Variants in RBFOX1 observed in about 807,000 individuals in gnomAD.
RBFOX1 encodes the protein RNA binding fox-1 homolog 1.
RBFOX1 carries 8 observed loss-of-function variants against 57.7 expected under a neutral mutation model. The ratio of observed to expected loss-of-function variants is 0.14; its 90% CI spans 0.08 to 0.25. RBFOX1 has a LOEUF of 0.25. Among genes scored for constraint, RBFOX1 ranks in the 10% least tolerant of loss-of-function variants. RBFOX1 has a pLI of 1.00. For synonymous variants in RBFOX1, 326 were observed against 222.4 expected (o/e 1.47, Z -4.15); for missense variants, 611 against 548.5 (o/e 1.11, Z -1.14).
chr16:5,327,879 G>A (rs2064629674), intron 1 of RBFOX1, among the ~76,000 whole-genome samples: 1 of 152,202 alleles, frequency 6.6e-6, no homozygotes, highest in African/African-American at 2.4e-5. Flanking sequence ...TCTGTGGTCT[G>A]GGAGGGATGG....
intron 11 of RBFOX1, among the ~76,000 whole-genome samples, chr16:7,639,537 T>C (rs899247727): frequency 4.6e-5 from 7 of 152,190 alleles, no homozygotes; most frequent in African/African-American, 1.7e-4. Flanking sequence ...AAATATGCTG[T>C]GAAGATACTC....
At chr16:7,442,067 C>T (rs2098772289) in intron 4 of RBFOX1, among the ~76,000 whole-genome samples, 2 of 152,208 alleles carry the variant, frequency 1.3e-5, no homozygotes, top group Admixed American at 1.3e-4. Flanking sequence ...CAGAAAACAT[C>T]TGGTAATGAA....
intron 3 of RBFOX1, among the ~76,000 whole-genome samples, chr16:5,630,645 C>A (rs1371010052): frequency 2.0e-5 from 3 of 152,082 alleles, no homozygotes; most frequent in African/African-American, 7.2e-5. Context: ...GTGGCAGTGC[C>A]CTCATCAACC....
intron 3 of RBFOX1, among the ~76,000 whole-genome samples, chr16:5,628,650 G>T (rs1420680262): frequency 6.6e-6 from 1 of 152,212 alleles, no homozygotes; most frequent in Non-Finnish European, 1.5e-5. Flanking sequence ...AGCTGAGACA[G>T]CTGCTGGGAT....
rs111467738 is a variant in RBFOX1 at position 6,191,511 on chromosome 16, C to G, written c.-126-125484C>G. On this transcript the variant is annotated intron_variant, in intron 1 of 15. Coordinates refer to ENST00000550418, the MANE Select transcript of RBFOX1 (RefSeq NM_018723.4). ...TTACCATGCCCCACTTTACAACTGC[C>G]GTGTATCTCAAATGTTATGAGTATA... Among the ~76,000 whole-genome samples, 15 of 152,110 alleles carry G rather than the reference C, an allele frequency of 9.9e-5. No homozygotes were observed. In the South Asian group the frequency reaches 3.1e-3, roughly 32 times the overall value.
intron 4 of RBFOX1, among the ~76,000 whole-genome samples, chr16:7,230,751 G>T (rs1234573669): frequency 6.6e-6 from 1 of 152,282 alleles, no homozygotes; most frequent in Non-Finnish European, 1.5e-5. Flanking sequence ...CCAAATGCAT[G>T]AATTTACACA....
chr16:6,814,487 T>C (rs528676696), intron 3 of RBFOX1, among the ~76,000 whole-genome samples: 4 of 152,134 alleles, frequency 2.6e-5, no homozygotes, highest in Non-Finnish European at 5.9e-5. Flanking sequence ...TCATGGGGCT[T>C]AGAGTCTAGT....
At chr16:6,786,722 A>G (rs1452435978) in intron 3 of RBFOX1, among the ~76,000 whole-genome samples, 2 of 152,164 alleles carry the variant, frequency 1.3e-5, no homozygotes, top group African/African-American at 4.8e-5. Context: ...CGGTGCTCCC[A>G]TCTAGCTCTT....
rs1263721917 is a variant in RBFOX1 at position 7,430,619 on chromosome 16, C to T, written c.28-87528C>T. 1.1e-4 allele frequency among the ~76,000 whole-genome samples: 16 copies of T among 149,830 alleles called. No homozygotes were observed. The Admixed American group carries it at 1.1e-3, about 10-fold the overall frequency. Reference sequence around the variant, plus strand: ...AGAGGTTTCAGTGCCAAGATTATGCCACTGCACACCAGCCTGGGTGACAGA... The same window carrying T: ...AGAGGTTTCAGTGCCAAGATTATGCTACTGCACACCAGCCTGGGTGACAGA... On this transcript the variant is annotated intron_variant, in intron 4 of 15. Transcript: ENST00000550418.
intron 1 of RBFOX1, among the ~76,000 whole-genome samples, chr16:5,394,434 G>A (rs2066494059): frequency 6.6e-6 from 1 of 151,934 alleles, no homozygotes; most frequent in African/African-American, 2.4e-5. Context: ...CTTTTCTGAT[G>A]ATCCATTTCT....
At chr16:7,022,186 C>G (rs1175612712) in intron 3 of RBFOX1, among the ~76,000 whole-genome samples, 1 of 150,326 alleles carries the variant, frequency 6.7e-6, no homozygotes, top group African/African-American at 2.5e-5. Context: ...ACCTCAGCCT[C>G]CTGAGTAGCT....
chr16:5,525,024 C>T (rs2044183927), intron 2 of RBFOX1, among the ~76,000 whole-genome samples: 1 of 152,214 alleles, frequency 6.6e-6, no homozygotes, highest in Admixed American at 6.5e-5. Flanking sequence ...TAATGTCCAT[C>T]TTCCCCAACA....
chr16:7,476,156 A>G (rs1255877584), intron 4 of RBFOX1, among the ~76,000 whole-genome samples: 1 of 151,936 alleles, frequency 6.6e-6, no homozygotes, highest in African/African-American at 2.4e-5. Context: ...TGTAGATACT[A>G]GAGATGCTGT....
chr16:7,281,026 AGAGT>A (rs2095533852), intron 4 of RBFOX1, among the ~76,000 whole-genome samples: 1 of 117,334 alleles, frequency 8.5e-6, no homozygotes, highest in African/African-American at 3.5e-5. Context: ...CTTCCGAGAC[AGAGT>A]GAGTCTCCTT....
intron 4 of RBFOX1, among the ~76,000 whole-genome samples, chr16:7,325,334 C>G (rs2096597534): frequency 6.6e-6 from 1 of 152,208 alleles, no homozygotes; most frequent in Admixed American, 6.5e-5. Context: ...CGGGAACACA[C>G]AGCTGATAAC....
At chr16:5,937,620 A>G (rs1224678201) in intron 4 of RBFOX1, among the ~76,000 whole-genome samples, 2 of 150,554 alleles carry the variant, frequency 1.3e-5, no homozygotes, top group African/African-American at 4.9e-5. Context: ...AGCTACATAT[A>G]GAACTTTATA....
At chr16:7,126,461 A>G (rs540562750) in intron 4 of RBFOX1, 15 of 229,062 alleles carry the variant, frequency 6.5e-5, no homozygotes, top group African/African-American at 3.2e-4. Context: ...GCACAAAGGC[A>G]TCGAAGACGC....
chr16:6,384,333 A>T (rs1193937367), intron 2 of RBFOX1, among the ~76,000 whole-genome samples: 1 of 152,212 alleles, frequency 6.6e-6, no homozygotes, highest in African/African-American at 2.4e-5. Context: ...TAAAAATAAT[A>T]TACAAATATT....
chr16:7,290,491 G>T (rs143748635), intron 4 of RBFOX1, among the ~76,000 whole-genome samples: 2 of 152,242 alleles, frequency 1.3e-5, no homozygotes, highest in Middle Eastern at 3.4e-3. Flanking sequence ...ACCATGCTTC[G>T]CACAGACACT....
Sources: allele counts gnomAD v4.1 joint callset (sites outside exome capture counted in the v4.1 genomes callset), GRCh38; gene constraint gnomAD v4.1.1; transcripts MANE v1.5; gene names NCBI Gene and HGNC (gene_info 2026-07-23, HGNC 2026-07-21).